PEBP4: variants seen among roughly 807,000 people sequenced by gnomAD.
PEBP4 encodes phosphatidylethanolamine-binding protein 4.
In PEBP4, 22 loss-of-function variants were observed where a neutral mutation model predicts 23.9. The ratio of observed to expected loss-of-function variants is 0.92; its 90% CI spans 0.66 to 1.31. PEBP4 has a LOEUF of 1.31. Among genes scored for constraint, PEBP4 ranks in the 40% most tolerant of loss-of-function variants. The pLI, the probability that PEBP4 is intolerant of heterozygous loss-of-function variation, is 0.00. For synonymous variants in PEBP4, 112 were observed against 99.3 expected (o/e 1.13, Z -0.76); for missense variants, 324 against 281.7 (o/e 1.15, Z -1.07).
intron 3 of PEBP4, among the ~76,000 whole-genome samples, chr8:22,902,467 CTGA>C (rs199597640): frequency 7.0e-6 from 1 of 142,548 alleles, no homozygotes; most frequent in African/African-American, 2.9e-5. Flanking sequence ...ATAGGGTGCT[CTGA>C]ATGTGTCCAT....
intron 4 of PEBP4, among the ~76,000 whole-genome samples, chr8:22,739,227 G>T (rs1293540801): frequency 6.6e-6 from 1 of 152,204 alleles, no homozygotes. Flanking sequence ...CACCCCAGGT[G>T]CTGCCCTCCT....
At chr8:22,845,885 G>T (rs1807423343) in intron 3 of PEBP4, among the ~76,000 whole-genome samples, 1 of 152,256 alleles carries the variant, frequency 6.6e-6, no homozygotes, top group Non-Finnish European at 1.5e-5. Flanking sequence ...GCCCGGCACA[G>T]AATGAATGCG....
At chr8:22,733,374 T>G (rs1026852636) in intron 4 of PEBP4, among the ~76,000 whole-genome samples, 9 of 152,202 alleles carry the variant, frequency 5.9e-5, no homozygotes, top group African/African-American at 2.2e-4. Flanking sequence ...AGCTGCATTT[T>G]CTGAGGTCTT....
At chr8:22,850,215 T>G (rs1357060764) in intron 3 of PEBP4, among the ~76,000 whole-genome samples, 2 of 152,310 alleles carry the variant, frequency 1.3e-5, no homozygotes, top group Admixed American at 6.5e-5. Context: ...TTCTTCTTAC[T>G]GCAATGCCTC....
At position 22,727,362 on chromosome 8, in the gene PEBP4, G is replaced by A. The variant is rs1344505185; in HGVS notation, c.358-142C>T. ...GGAGAAGAAGTAGGATGGGAGAGGA[G>A]GAAAATGGGAGAGCAGGAGGATGTA... On this transcript the variant is annotated intron_variant, in intron 4 of 6. Coordinates refer to ENST00000256404, the MANE Select transcript of PEBP4 (RefSeq NM_144962.3). The A allele has an allele frequency of 7.5e-6, 6 of 804,916 alleles. 1 individual carries two copies. The highest frequency in any genetic ancestry group is 6.9e-5 in the African/African-American group (4 of 58,134). 49.9% of individuals were successfully genotyped at this position (804,916 alleles called of 1,614,324 possible).
upstream of PEBP4, among the ~76,000 whole-genome samples, chr8:22,932,002 A>G (rs1334191511): frequency 6.6e-6 from 1 of 152,218 alleles, no homozygotes. Context: ...AATTTGGAAC[A>G]GTCCAGTAAT....
At chr8:22,835,667 C>T (rs2128764755) in intron 3 of PEBP4, among the ~76,000 whole-genome samples, 1 of 150,378 alleles carries the variant, frequency 6.6e-6, no homozygotes, top group Admixed American at 7.2e-5. Context: ...AGCAATGGGT[C>T]CCCCACTATC....
At chr8:22,835,783 A>G (rs1807192155) in intron 3 of PEBP4, among the ~76,000 whole-genome samples, 1 of 152,252 alleles carries the variant, frequency 6.6e-6, no homozygotes, top group South Asian at 2.1e-4. Flanking sequence ...CAAGAATGAC[A>G]TTAGAACAGG....
At chr8:22,928,352 G>A (rs1433231394), upstream of PEBP4, among the ~76,000 whole-genome samples, 2 of 150,794 alleles carry the variant, frequency 1.3e-5, no homozygotes, top group African/African-American at 2.5e-5. Context: ...GGCCAGCTCC[G>A]AAGGGCCAGC....
At chr8:22,772,403 G>A (rs1412759625) in intron 4 of PEBP4, among the ~76,000 whole-genome samples, 1 of 151,954 alleles carries the variant, frequency 6.6e-6, no homozygotes, top group African/African-American at 2.4e-5. Flanking sequence ...AATTATTCCT[G>A]GGTTCCATGC....
intron 3 of PEBP4, among the ~76,000 whole-genome samples, chr8:22,818,728 GT>G (rs1806797507): frequency 6.6e-6 from 1 of 152,250 alleles, no homozygotes; most frequent in Non-Finnish European, 1.5e-5. Flanking sequence ...CAGGAGGCCA[GT>G]TAGGAGACTC....
At chr8:22,888,168 T>G (rs1418811128) in intron 3 of PEBP4, 6 of 151,428 alleles carry the variant, frequency 4.0e-5, no homozygotes, top group Non-Finnish European at 5.9e-5. Flanking sequence ...TTTTTTTTTT[T>G]TTTTTGAGAC....
At chr8:22,902,960 C>T (rs1808740094) in intron 3 of PEBP4, among the ~76,000 whole-genome samples, 1 of 152,120 alleles carries the variant, frequency 6.6e-6, no homozygotes, top group South Asian at 2.1e-4. Context: ...TGGAGGTGAG[C>T]GTTGAACCTT....
chr8:22,740,473 A>T (rs922748751), intron 4 of PEBP4, among the ~76,000 whole-genome samples: 1 of 152,164 alleles, frequency 6.6e-6, no homozygotes, highest in Non-Finnish European at 1.5e-5. Flanking sequence ...CCTCTTAACA[A>T]GAACCTGAGG....
At chr8:22,817,538 C>T (rs1350330580) in intron 4 of PEBP4, 99 bp downstream of exon 4, 53 of 1,151,582 alleles carry the variant, frequency 4.6e-5, no homozygotes, top group Non-Finnish European at 5.5e-5. Flanking sequence ...CAGAAGTCCT[C>T]GCTCCAACCT....
rs145583109 is a variant in PEBP4 at position 22,774,535 on chromosome 8, T to C, written c.357+43102A>G. On this transcript the variant is annotated intron_variant, in intron 4 of 6. Transcript: ENST00000256404. The stretch of plus-strand genomic sequence containing the variant: ...CGCCAGCCTGTGCCAGGCTCAATTT[T>C]AGCCAGAGAGGGAAGGAGGCCCCGC... Among the ~76,000 whole-genome samples, 8 of 152,244 alleles carry C rather than the reference T, an allele frequency of 5.3e-5. No homozygotes were observed. The East Asian group carries it at 1.4e-3, about 26-fold the overall frequency.
chr8:22,883,691 A>C (rs1808312050), intron 3 of PEBP4, among the ~76,000 whole-genome samples: 1 of 152,106 alleles, frequency 6.6e-6, no homozygotes, highest in African/African-American at 2.4e-5. Context: ...TTTGGTTTGG[A>C]ATTATAGGCT....
intron 3 of PEBP4, among the ~76,000 whole-genome samples, chr8:22,904,810 C>T (rs1808779083): frequency 1.3e-5 from 2 of 152,152 alleles, no homozygotes; most frequent in South Asian, 4.1e-4. Context: ...TCTTCAAGAC[C>T]ATGCTTTTTA....
chr8:22,860,172 A>C (rs1807740269), intron 3 of PEBP4, among the ~76,000 whole-genome samples: 1 of 106,114 alleles, frequency 9.4e-6, no homozygotes, highest in African/African-American at 3.3e-5. Context: ...ATATATGTAT[A>C]TATATATACA....
Sources: gnomAD v4.1 joint callset for allele counts (sites outside exome capture counted in the v4.1 genomes callset) on GRCh38, gnomAD v4.1.1 for gene constraint, MANE v1.5 for transcripts, NCBI Gene and HGNC (gene_info 2026-07-23, HGNC 2026-07-21) for gene names.